VTI1A: variants seen among roughly 807,000 people sequenced by gnomAD.
VTI1A encodes the protein vesicle transport through interaction with t-SNAREs homolog 1A.
VTI1A carries 22 observed loss-of-function variants against 34.9 expected under a neutral mutation model. The ratio of observed to expected loss-of-function variants is 0.63; its 90% CI spans 0.45 to 0.90. The LOEUF (loss-of-function observed/expected upper bound fraction) is 0.90. Ranked by LOEUF, VTI1A falls within the 40% of genes least tolerant of loss-of-function variation. VTI1A has a pLI of 0.00. For synonymous variants in VTI1A, 87 were observed against 97.3 expected, an observed-to-expected ratio of 0.89 and a Z score of 0.62; for missense variants, 268 against 275.6, an observed-to-expected ratio of 0.97 and a Z score of 0.20.
At chr10:112,627,009 A>C (rs1845946146) in intron 5 of VTI1A, among the ~76,000 whole-genome samples, 1 of 152,214 alleles carries the variant, frequency 6.6e-6, no homozygotes, top group South Asian at 2.1e-4. Flanking sequence ...AATTAAACTT[A>C]TCTAATGTTT....
At chr10:112,571,525 T>C (rs1852120496) in intron 5 of VTI1A, among the ~76,000 whole-genome samples, 1 of 152,194 alleles carries the variant, frequency 6.6e-6, no homozygotes, top group Admixed American at 6.5e-5. Flanking sequence ...GGGACACTTA[T>C]ACACCGTTGG....
At chr10:112,511,888 G>T (rs141873676) in intron 3 of VTI1A, among the ~76,000 whole-genome samples, 1 of 152,172 alleles carries the variant, frequency 6.6e-6, no homozygotes, top group Non-Finnish European at 1.5e-5. Flanking sequence ...TGCTGCAGAT[G>T]ACATATTTTC....
At chr10:112,830,298 AT>A in the VTI1A span, among the ~76,000 whole-genome samples, 1 of 151,684 alleles carries the variant, frequency 6.6e-6, no homozygotes, top group Non-Finnish European at 1.5e-5. Context: ...CTGGCCAGGC[AT>A]TTTATGTCTC....
the VTI1A span, among the ~76,000 whole-genome samples, chr10:112,834,038 C>T: frequency 2.6e-5 from 4 of 152,146 alleles, no homozygotes; most frequent in Non-Finnish European, 5.9e-5. Context: ...AGTTAATCAA[C>T]CTCCCTGAAC....
intron 5 of VTI1A, among the ~76,000 whole-genome samples, chr10:112,636,903 AGTCATTAAGATTCATT>A (rs1026525663): frequency 1.1e-4 from 17 of 152,190 alleles, no homozygotes; most frequent in Admixed American, 4.6e-4. Flanking sequence ...AACAAAAAAC[AGTCATTAAGATTCATT>A]GTCATGGATA....
At chr10:112,585,917 A>G (rs1844135602) in intron 5 of VTI1A, among the ~76,000 whole-genome samples, 1 of 152,124 alleles carries the variant, frequency 6.6e-6, no homozygotes, top group African/African-American at 2.4e-5. Context: ...TCAGAGGTCA[A>G]GGATGTGCCT....
At chr10:112,483,986 C>T (rs191335526) in intron 3 of VTI1A, among the ~76,000 whole-genome samples, 2 of 152,312 alleles carry the variant, frequency 1.3e-5, no homozygotes, top group East Asian at 3.9e-4. Context: ...AAATCATGCT[C>T]CGTTATAGCA....
At chr10:112,634,825 A>G (rs1004763643) in intron 5 of VTI1A, among the ~76,000 whole-genome samples, 3 of 152,052 alleles carry the variant, frequency 2.0e-5, no homozygotes, top group African/African-American at 7.2e-5. Flanking sequence ...GCCTTCTTAC[A>G]CTGTTTTGTC....
At chr10:112,803,577 T>G (rs1173548382) in intron 7 of VTI1A, among the ~76,000 whole-genome samples, 1 of 152,188 alleles carries the variant, frequency 6.6e-6, no homozygotes, top group African/African-American at 2.4e-5. Flanking sequence ...TCTCTTCCCC[T>G]CTCACAGCCT....
intron 3 of VTI1A, among the ~76,000 whole-genome samples, chr10:112,465,058 C>T (rs2134054351): frequency 6.6e-6 from 1 of 152,244 alleles, no homozygotes; most frequent in South Asian, 2.1e-4. Context: ...ATGCATGTTT[C>T]CATGTGTATT....
At chr10:112,599,701 T>G (rs1245626140) in intron 5 of VTI1A, among the ~76,000 whole-genome samples, 1 of 152,086 alleles carries the variant, frequency 6.6e-6, no homozygotes, top group Non-Finnish European at 1.5e-5. Context: ...TGCCTCAAAT[T>G]TCTGAGTAGC....
At chr10:112,528,060 C>A (rs766146001) in intron 4 of VTI1A, among the ~76,000 whole-genome samples, 14 of 152,024 alleles carry the variant, frequency 9.2e-5, no homozygotes, top group Non-Finnish European at 1.8e-4. Context: ...AGAAACAAGA[C>A]CTGAACATGG....
At chr10:112,494,434 C>T (rs963107640) in intron 3 of VTI1A, among the ~76,000 whole-genome samples, 4 of 152,100 alleles carry the variant, frequency 2.6e-5, no homozygotes, top group African/African-American at 9.6e-5. Context: ...GTTTCATTTG[C>T]TCTTCTTTTT....
intron 7 of VTI1A, among the ~76,000 whole-genome samples, chr10:112,769,235 C>G (rs1271425814): frequency 1.3e-5 from 2 of 152,182 alleles, no homozygotes; most frequent in Non-Finnish European, 2.9e-5. Flanking sequence ...AGAACACAGA[C>G]AGCAGGCCTT....
chr10:112,593,490 T>G (rs1013712337), intron 5 of VTI1A, among the ~76,000 whole-genome samples: 2 of 152,214 alleles, frequency 1.3e-5, no homozygotes, highest in African/African-American at 4.8e-5. Context: ...TCGAGGTGAT[T>G]GCCTCTTTTT....
intron 3 of VTI1A, among the ~76,000 whole-genome samples, chr10:112,501,126 C>T (rs962471508): frequency 1.3e-5 from 2 of 152,166 alleles, no homozygotes; most frequent in African/African-American, 4.8e-5. Context: ...TGTTTCATTA[C>T]TAACACAATG....
chr10:112,495,836 A>G (rs935714153), intron 3 of VTI1A, among the ~76,000 whole-genome samples: 21 of 152,238 alleles, frequency 1.4e-4, no homozygotes, highest in African/African-American at 4.6e-4. Context: ...GTTCAATTCA[A>G]TGACTTGAAT....
intron 3 of VTI1A, among the ~76,000 whole-genome samples, chr10:112,523,398 C>G (rs1211354512): frequency 6.6e-6 from 1 of 152,054 alleles, no homozygotes; most frequent in East Asian, 1.9e-4. Context: ...CATCTAACTT[C>G]TTAGAGGTAA....
At chr10:112,831,677 A>C in the VTI1A span, 42 of 152,332 alleles carry the variant, frequency 2.8e-4, 1 homozygote, top group African/African-American at 1.0e-3. Context: ...AGCCCAAGTG[A>C]ATAGACACTG....
Sources: allele counts gnomAD v4.1 joint callset (sites outside exome capture counted in the v4.1 genomes callset), GRCh38; gene constraint gnomAD v4.1.1; transcripts MANE v1.5; gene names NCBI Gene and HGNC (gene_info 2026-07-23, HGNC 2026-07-21).